PITPNC1: variants seen among roughly 807,000 people sequenced by gnomAD.
PITPNC1 encodes the protein phosphatidylinositol transfer protein cytoplasmic 1.
PITPNC1 carries 18 observed loss-of-function variants against 44.7 expected under a neutral mutation model. The observed-to-expected ratio is 0.40, with a 90% CI of 0.28 to 0.60. PITPNC1 has a LOEUF of 0.60. PITPNC1 is among the 20% of genes least tolerant of loss of function. The probability of loss-of-function intolerance (pLI) is 0.39; values close to 1 mark genes in which losing one functional copy is unlikely to be tolerated. For missense variants in PITPNC1, 290 were observed against 418.4 expected (o/e 0.69, Z 2.68); for synonymous variants, 141 against 149.6 (o/e 0.94, Z 0.42).
At chr17:67,452,353 G>A (rs944353618) in intron 1 of PITPNC1, among the ~76,000 whole-genome samples, 2 of 151,706 alleles carry the variant, frequency 1.3e-5, no homozygotes, top group African/African-American at 4.8e-5. Flanking sequence ...TTCCATTATA[G>A]GGATGTACCA....
chr17:67,506,673 C>T (rs2040106943), intron 1 of PITPNC1, among the ~76,000 whole-genome samples: 2 of 152,040 alleles, frequency 1.3e-5, no homozygotes, highest in South Asian at 4.2e-4. Flanking sequence ...TGCGGGTAAA[C>T]AAGAAAATTT....
intron 4 of PITPNC1, among the ~76,000 whole-genome samples, chr17:67,573,274 A>T (rs549178876): frequency 6.6e-6 from 1 of 152,246 alleles, no homozygotes; most frequent in African/African-American, 2.4e-5. Flanking sequence ...AAAAGAAAAA[A>T]ATCATGAAAA....
chr17:67,527,153 C>G (rs1310779562), intron 1 of PITPNC1, among the ~76,000 whole-genome samples: 3 of 152,164 alleles, frequency 2.0e-5, no homozygotes, highest in South Asian at 2.1e-4. Context: ...TCTGCAATAG[C>G]AAAGGTCAGA....
chr17:67,382,770 G>A (rs1442243770), intron 1 of PITPNC1, among the ~76,000 whole-genome samples: 1 of 149,602 alleles, frequency 6.7e-6, no homozygotes, highest in Non-Finnish European at 1.5e-5. Flanking sequence ...GATTACAGGC[G>A]CCCACCATCA....
At chr17:67,571,257 C>T (rs2041052757) in intron 4 of PITPNC1, among the ~76,000 whole-genome samples, 1 of 152,042 alleles carries the variant, frequency 6.6e-6, no homozygotes, top group Non-Finnish European at 1.5e-5. Flanking sequence ...ACAGTGAGAG[C>T]TCATCTCTAC....
chr17:67,447,831 T>G (rs2039120991), intron 1 of PITPNC1, among the ~76,000 whole-genome samples: 1 of 147,498 alleles, frequency 6.8e-6, no homozygotes, highest in South Asian at 2.1e-4. Context: ...AATTTTTACC[T>G]GGGATCCCAG....
chr17:67,562,731 A>G (rs145364640), intron 4 of PITPNC1, among the ~76,000 whole-genome samples: 1 of 152,298 alleles, frequency 6.6e-6, no homozygotes, highest in African/African-American at 2.4e-5. Flanking sequence ...CTTTGCCTGT[A>G]TGATAACTAA....
intron 8 of PITPNC1, among the ~76,000 whole-genome samples, chr17:67,685,470 CAT>C (rs2042796638): frequency 6.6e-6 from 1 of 152,218 alleles, no homozygotes; most frequent in Non-Finnish European, 1.5e-5. Flanking sequence ...GAGGATCTCA[CAT>C]GACACATGGA....
chr17:67,537,676 A>T (rs989089606), intron 2 of PITPNC1, among the ~76,000 whole-genome samples: 21 of 152,264 alleles, frequency 1.4e-4, no homozygotes, highest in African/African-American at 1.2e-4. Flanking sequence ...GTTGTTTTTT[A>T]AAAAATAGAA....
chr17:67,490,583 C>T (rs1337896697), intron 1 of PITPNC1, among the ~76,000 whole-genome samples: 3 of 152,096 alleles, frequency 2.0e-5, no homozygotes, highest in African/African-American at 7.2e-5. Context: ...TGAAGAGCCT[C>T]CCCGCAGGCA....
At chr17:67,542,889 T>C (rs1193548676) in intron 2 of PITPNC1, among the ~76,000 whole-genome samples, 2 of 152,166 alleles carry the variant, frequency 1.3e-5, no homozygotes, top group Non-Finnish European at 2.9e-5. Context: ...AGAAAGTTGC[T>C]CAAAGGGGAG....
At chr17:67,554,725 T>C (rs1201674019) in intron 4 of PITPNC1, among the ~76,000 whole-genome samples, 1 of 152,236 alleles carries the variant, frequency 6.6e-6, no homozygotes, top group Non-Finnish European at 1.5e-5. Context: ...AGTTATTGAA[T>C]GACAGAATGA....
chr17:67,479,864 T>C (rs1283704863), intron 1 of PITPNC1, among the ~76,000 whole-genome samples: 1 of 152,220 alleles, frequency 6.6e-6, no homozygotes, highest in Non-Finnish European at 1.5e-5. Context: ...ATTTCAATGG[T>C]CTGCCTCAGT....
At chr17:67,519,949 T>C (rs2040305261) in intron 1 of PITPNC1, among the ~76,000 whole-genome samples, 1 of 152,212 alleles carries the variant, frequency 6.6e-6, no homozygotes, top group African/African-American at 2.4e-5. Flanking sequence ...CTTGAATAAC[T>C]CTTTCAAGAC....
At chr17:67,425,197 G>GCGCACGCACA (rs748898605) in intron 1 of PITPNC1, among the ~76,000 whole-genome samples, 6 of 98,430 alleles carry the variant, frequency 6.1e-5, no homozygotes, top group Non-Finnish European at 8.5e-5. Context: ...GCGCGCGCAC[G>GCGCACGCACA]CACACGCACA....
intron 2 of PITPNC1, among the ~76,000 whole-genome samples, chr17:67,547,995 G>A (rs1439007942): frequency 2.0e-5 from 3 of 152,178 alleles, no homozygotes; most frequent in African/African-American, 7.2e-5. Context: ...ATAGGAGGCT[G>A]AGCCGCACCC....
intron 1 of PITPNC1, among the ~76,000 whole-genome samples, chr17:67,413,481 G>T (rs924087223): frequency 1.5e-5 from 2 of 129,880 alleles, no homozygotes; most frequent in East Asian, 4.2e-4. Flanking sequence ...GGGGCTTCTC[G>T]CTATGCTCAG....
At chr17:67,667,452 C>CT (rs1598959881) in intron 6 of PITPNC1, among the ~76,000 whole-genome samples, 1 of 131,520 alleles carries the variant, frequency 7.6e-6, no homozygotes, top group East Asian at 2.3e-4. Flanking sequence ...TTACTTGAGC[C>CT]TGGGAGGTCA....
intron 2 of PITPNC1, among the ~76,000 whole-genome samples, chr17:67,542,600 A>C (rs921441323): frequency 6.6e-6 from 1 of 152,230 alleles, no homozygotes; most frequent in Non-Finnish European, 1.5e-5. Flanking sequence ...AGGCATTTTC[A>C]TAAGTCCACA....
Sources: gnomAD v4.1 joint callset for allele counts (sites outside exome capture counted in the v4.1 genomes callset) on GRCh38, gnomAD v4.1.1 for gene constraint, MANE v1.5 for transcripts, NCBI Gene and HGNC (gene_info 2026-07-23, HGNC 2026-07-21) for gene names.